The following CEP295 variants were observed in gnomAD, a reference collection of about 807,000 sequenced individuals.
CEP295 encodes centrosomal protein 295.
In CEP295, 190 loss-of-function variants were observed where a neutral mutation model predicts 291.6. That is an observed-to-expected ratio of 0.65 (90% CI 0.58 to 0.73). The LOEUF (loss-of-function observed/expected upper bound fraction) is 0.73, where lower values mean the gene tolerates loss of function less well. Ranked by LOEUF, CEP295 falls within the 30% of genes least tolerant of loss-of-function variation. The probability of loss-of-function intolerance (pLI) is 0.00; values close to 1 mark genes in which losing one functional copy is unlikely to be tolerated. For missense variants in CEP295, 2,863 were observed against 2,949.4 expected, an observed-to-expected ratio of 0.97 and a Z score of 0.68; for synonymous variants, 993 against 1,038.8, an observed-to-expected ratio of 0.96 and a Z score of 0.85.
chr11:93,677,626 C>T (rs976195071), intron 6 of CEP295, among the ~76,000 whole-genome samples: 2 of 152,094 alleles, frequency 1.3e-5, no homozygotes, highest in Admixed American at 6.6e-5. Flanking sequence ...GTGACAGTTA[C>T]GTAGCATTTT....
chr11:93,702,573 T>C lies in CEP295; in HGVS notation c.5388T>C (p.His1796=), dbSNP rs1952237368. ...LAGNDQENIR[H]ADRNNSDDNH... The stretch of plus-strand genomic sequence containing the variant: ...GAAATGATCAAGAAAATATTAGGCA[T>C]GCAGATAGGAACAACTCTGATGATA... Residue 1796 remains histidine (H), a synonymous_variant, in exon 16 of 30, where the codon CAT becomes CAC. Transcript: ENST00000325212. 2 of 1,551,362 alleles carry C rather than the reference T, an allele frequency of 1.3e-6. No homozygotes were observed. Among genetic ancestry groups the C allele is most frequent in the African/African-American group, 2.7e-5 (2 of 73,166 alleles).
At chr11:93,667,584 C>A in intron 2 of CEP295, 23 bp from the exon 3 acceptor site, 5 of 1,500,260 alleles carry the variant, frequency 3.3e-6, no homozygotes, top group Non-Finnish European at 4.5e-6. Flanking sequence ...TTTCATATAA[C>A]CTGTTAAATA....
At chr11:93,666,196 T>A (rs1487146334) in intron 1 of CEP295, among the ~76,000 whole-genome samples, 2 of 152,216 alleles carry the variant, frequency 1.3e-5, no homozygotes, top group Non-Finnish European at 2.9e-5. Flanking sequence ...CTGATCTAAG[T>A]GTGAATTTAT....
At chr11:93,704,027 C>G (rs1429320441) in intron 17 of CEP295, among the ~76,000 whole-genome samples, 1 of 151,964 alleles carries the variant, frequency 6.6e-6, no homozygotes, top group Non-Finnish European at 1.5e-5. Context: ...CCTCGGCCTC[C>G]CAAAGTGCTG....
chr11:93,700,768 T>C (rs1952108538), intron 15 of CEP295, among the ~76,000 whole-genome samples: 1 of 152,208 alleles, frequency 6.6e-6, no homozygotes, highest in South Asian at 2.1e-4. Flanking sequence ...TTTAATGTAT[T>C]TTAAGCTTAC....
intron 1 of CEP295, among the ~76,000 whole-genome samples, chr11:93,662,329 G>A (rs1950029841): frequency 6.6e-6 from 1 of 152,154 alleles, no homozygotes; most frequent in Non-Finnish European, 1.5e-5. Context: ...AACCTTTTGG[G>A]GTAGATATTA....
Position 93,699,137 on chromosome 11 carries a change from C to T in CEP295, c.4225C>T (p.Pro1409Ser). Residue 1409 changes from proline (P) to serine (S), a missense_variant, in exon 15 of 30, where the codon CCT becomes TCT. By Grantham distance (74) the Pro-to-Ser change is moderately conservative. Around this residue, in one of 3 missense-constraint regions of CEP295, gnomAD observed 2,295 missense variants for 2,335.7 expected, o/e 0.98. Coordinates refer to ENST00000325212, the MANE Select transcript of CEP295 (RefSeq NM_033395.2). ...LVPQHSFASL[P>S]LNESERNQEP... ...ACCACAGCATTCATTCGCCTCATTA[C>T]CTCTTAATGAATCTGAAAGAAACCA... 2 of 1,550,836 alleles carry T rather than the reference C, an allele frequency of 1.3e-6. No individual in the cohort carries two copies. The highest frequency in any genetic ancestry group is 1.7e-6 in the Non-Finnish European group (2 of 1,146,806).
chr11:93,670,845 T>C (rs1036602232), intron 5 of CEP295, among the ~76,000 whole-genome samples: 1 of 152,136 alleles, frequency 6.6e-6, no homozygotes, highest in South Asian at 2.1e-4. Context: ...CTGTAAGTGC[T>C]TTGACAAGCA....
rs372766524 is a variant in CEP295 at position 93,696,995 on chromosome 11, G to C, written c.2083G>C (p.Ala695Pro). The part of the protein sequence containing the change: ...RQVETTETLR[A>P]SDILTNQALE... ...GGTGGAAACAACAGAAACATTACGC[G>C]CTTCAGATATTTTAACCAATCAAGC... Residue 695 changes from alanine to proline, a missense_variant, in exon 15 of 30, where the codon GCT becomes CCT. Ala to Pro is a conservative substitution (Grantham distance 27). Transcript: ENST00000325212. 2.6e-6 allele frequency: 4 copies of C among 1,551,326 alleles called. No homozygotes were observed. Among genetic ancestry groups the C allele is most frequent in the African/African-American group, 1.4e-5 (1 of 73,032 alleles).
At chr11:93,667,413 A>G (rs12282474) in intron 2 of CEP295, among the ~76,000 whole-genome samples, 194 bp from the exon 3 acceptor site, 1 of 152,204 alleles carries the variant, frequency 6.6e-6, no homozygotes, top group Non-Finnish European at 1.5e-5. Context: ...CATTAGATAT[A>G]GTCTTGAGAT....
chr11:93,724,506 C>T, intron 22 of CEP295, 131 bp downstream of exon 22: 2 of 891,926 alleles, frequency 2.2e-6, no homozygotes, highest in Non-Finnish European at 3.4e-6. Flanking sequence ...GTGGCTCACA[C>T]CTGTAATCCC....
chr11:93,716,023 C>T (rs1288832529), intron 18 of CEP295, among the ~76,000 whole-genome samples: 2 of 152,130 alleles, frequency 1.3e-5, no homozygotes, highest in Non-Finnish European at 2.9e-5. Flanking sequence ...CCCTCCAAGT[C>T]TACAAGCTCT....
chr11:93,664,075 T>C (rs1950106552), intron 1 of CEP295, among the ~76,000 whole-genome samples: 1 of 152,216 alleles, frequency 6.6e-6, no homozygotes, highest in Non-Finnish European at 1.5e-5. Flanking sequence ...TGTACTTTTT[T>C]GTGTCTGGCT....
intron 17 of CEP295, 138 bp from the exon 18 acceptor site, chr11:93,706,607 C>T (rs751781528): frequency 3.3e-6 from 2 of 602,792 alleles, no homozygotes; most frequent in Non-Finnish European, 5.3e-6. Context: ...AAAAGCTTGA[C>T]TGTGAAAGGT....
rs1413478553 is a variant in CEP295, at chr11:93,679,564, A to G, written c.765+12A>G. 7 of 1,549,642 alleles carry G rather than the reference A, an allele frequency of 4.5e-6. No individual in the cohort carries two copies. The highest frequency in any genetic ancestry group is 6.1e-6 in the Non-Finnish European group (7 of 1,145,882). ...TCCATTTGGCTCAAGTAAGACTTAT[A>G]TTCTACCCATGACCATTACTCATGG... On this transcript the variant is annotated intron_variant, in intron 7 of 29. Coordinates refer to ENST00000325212, the MANE Select transcript of CEP295 (RefSeq NM_033395.2).
chr11:93,706,515 A>G (rs1404259007), intron 17 of CEP295, among the ~76,000 whole-genome samples: 2 of 152,172 alleles, frequency 1.3e-5, no homozygotes, highest in Non-Finnish European at 2.9e-5. Context: ...TTTCTTTGTG[A>G]TTAGTCAATA....
chr11:93,712,532 G>A (rs571289380), intron 18 of CEP295, among the ~76,000 whole-genome samples: 3 of 152,280 alleles, frequency 2.0e-5, no homozygotes, highest in Admixed American at 6.5e-5. Context: ...AGGATTACAG[G>A]CATAAGCCAC....
Position 93,727,440 on chromosome 11 carries a change from C to G in CEP295, c.6964C>G (p.Arg2322Gly), listed in dbSNP as rs1441621143. 5 of 1,551,670 alleles carry G rather than the reference C, an allele frequency of 3.2e-6. No individual in the cohort carries two copies. Among genetic ancestry groups the G allele is most frequent in the Non-Finnish European group, 4.4e-6 (5 of 1,146,964 alleles). Residue 2322 changes from arginine (R) to glycine (G), a missense_variant, in exon 24 of 30, where the codon CGA (arginine) becomes GGA (glycine). Physicochemically the swap from Arg to Gly is moderately radical, Grantham distance 125. Coordinates refer to ENST00000325212, the MANE Select transcript of CEP295 (RefSeq NM_033395.2). ...INPQVEETDS[R>G]LCVRTVEMGT... Reference sequence around the variant, plus strand: ...TCCACAGGTAGAGGAAACTGACTCTCGATTATGTGTAAGAACAGTGGAGAT... The same window carrying G: ...TCCACAGGTAGAGGAAACTGACTCTGGATTATGTGTAAGAACAGTGGAGAT...
chr11:93,664,784 C>T (rs1282293031), intron 1 of CEP295, among the ~76,000 whole-genome samples: 2 of 152,184 alleles, frequency 1.3e-5, no homozygotes, highest in African/African-American at 4.8e-5. Context: ...CCACAGTCTC[C>T]TAGCCCCTAT....
Sources: gnomAD v4.1 joint callset for allele counts (sites outside exome capture counted in the v4.1 genomes callset) on GRCh38, gnomAD v4.1.1 for gene constraint, gnomAD v4.1.1 regional missense constraint, MANE v1.5 for transcripts, NCBI Gene and HGNC (gene_info 2026-07-23, HGNC 2026-07-21) for gene names.